MTFR1: variants seen among roughly 807,000 people sequenced by gnomAD.
The protein encoded by MTFR1 is chondrocyte protein with a poly-proline region.
A neutral mutation model predicts 38.8 loss-of-function variants in MTFR1; 28 were observed. That is an observed-to-expected ratio of 0.72 (90% CI 0.53 to 0.99). The LOEUF (loss-of-function observed/expected upper bound fraction) is 0.99, where lower values mean the gene tolerates loss of function less well. Ranked by LOEUF, MTFR1 falls within the 50% of genes least tolerant of loss-of-function variation. The pLI is 0.00. For missense variants in MTFR1, 358 were observed against 395.5 expected, an observed-to-expected ratio of 0.91 and a Z score of 0.81; for synonymous variants, 145 against 137.0, an observed-to-expected ratio of 1.06 and a Z score of -0.41.
intron 3 of MTFR1, among the ~76,000 whole-genome samples, chr8:65,770,729 C>A (rs558318026): frequency 1.3e-5 from 2 of 152,204 alleles, no homozygotes; most frequent in East Asian, 3.9e-4. Context: ...GTGGTGAAAT[C>A]AAAGAGAAAA....
At chr8:65,739,426 A>G (rs941501950) in intron 3 of MTFR1, 71 of 1,433,482 alleles carry the variant, frequency 5.0e-5, no homozygotes, top group South Asian at 1.5e-4. Flanking sequence ...GCTAACCGAT[A>G]TAACTGAGAT....
intron 3 of MTFR1, among the ~76,000 whole-genome samples, chr8:65,758,622 T>C (rs556653884): frequency 5.5e-4 from 84 of 152,364 alleles, no homozygotes; most frequent in African/African-American, 1.7e-3. Context: ...CCCTCTGTTA[T>C]GGACAGTGTT....
At chr8:65,753,653 G>A (rs1327105050) in intron 3 of MTFR1, among the ~76,000 whole-genome samples, 1 of 152,164 alleles carries the variant, frequency 6.6e-6, no homozygotes, top group East Asian at 1.9e-4. Flanking sequence ...CTGGATTATA[G>A]TGTTGCTCAG....
At chr8:65,746,193 G>T (rs997426392) in intron 3 of MTFR1, among the ~76,000 whole-genome samples, 1 of 150,682 alleles carries the variant, frequency 6.6e-6, no homozygotes, top group African/African-American at 2.4e-5. Flanking sequence ...CTTGGCCTCC[G>T]AACGTGCTAG....
At chr8:65,757,550 T>C (rs1433605482) in intron 3 of MTFR1, among the ~76,000 whole-genome samples, 1 of 152,194 alleles carries the variant, frequency 6.6e-6, no homozygotes. Context: ...CTTTCCGGCA[T>C]CTGGAATAAT....
intron 3 of MTFR1, among the ~76,000 whole-genome samples, chr8:65,692,190 A>G (rs988656338): frequency 1.3e-5 from 2 of 152,116 alleles, no homozygotes; most frequent in Non-Finnish European, 2.9e-5. Context: ...CCTCACTCAT[A>G]CTTTTAGTAA....
intron 3 of MTFR1, among the ~76,000 whole-genome samples, chr8:65,743,933 A>T (rs1379550206): frequency 6.6e-6 from 1 of 151,590 alleles, no homozygotes; most frequent in African/African-American, 2.4e-5. Flanking sequence ...CCCAGATTCA[A>T]GCAATTCTCC....
At chr8:65,728,659 A>G (rs948237683) in intron 3 of MTFR1, 2 of 120,686 alleles carry the variant, frequency 1.7e-5, no homozygotes, top group Admixed American at 8.7e-5. Flanking sequence ...CTGCATATAA[A>G]GCAATCTCCC....
intron 2 of MTFR1, among the ~76,000 whole-genome samples, chr8:65,681,052 A>G (rs1804869739): frequency 6.6e-6 from 1 of 151,758 alleles, no homozygotes; most frequent in South Asian, 2.1e-4. Flanking sequence ...AGCTGGGACT[A>G]CAGGCGCCCG....
intron 3 of MTFR1, among the ~76,000 whole-genome samples, chr8:65,758,377 GA>G (rs1563492001): frequency 1.3e-5 from 2 of 152,090 alleles, no homozygotes; most frequent in African/African-American, 2.4e-5. Flanking sequence ...AGGTAAGGGG[GA>G]AAAAATGTTT....
chr8:65,745,352 A>G, intron 3 of MTFR1: 1 of 986,322 alleles, frequency 1.0e-6, no homozygotes, highest in East Asian at 2.4e-5. Context: ...CGGCTGCACC[A>G]TCAATGCAGT....
chr8:65,700,547 T>C (rs1805586723), intron 4 of MTFR1, among the ~76,000 whole-genome samples: 1 of 152,118 alleles, frequency 6.6e-6, no homozygotes, highest in South Asian at 2.1e-4. Context: ...AACAGAAGCA[T>C]TGACATCCTG....
At chr8:65,720,837 T>TA (rs1432243038) in intron 3 of MTFR1, among the ~76,000 whole-genome samples, 1 of 152,234 alleles carries the variant, frequency 6.6e-6, no homozygotes, top group Admixed American at 6.5e-5. Context: ...ACTACAGTGT[T>TA]ATGTTGAGCC....
chr8:65,682,064 A>G (rs1156776838), intron 2 of MTFR1: 1 of 168,124 alleles, frequency 5.9e-6, no homozygotes, highest in Non-Finnish European at 1.3e-5. Flanking sequence ...AAACCTGATG[A>G]AAATAAAATT....
chr8:65,694,405 T>G (rs1414203168), intron 4 of MTFR1, among the ~76,000 whole-genome samples: 7 of 152,090 alleles, frequency 4.6e-5, no homozygotes. Context: ...GAGATGAGTT[T>G]TCACCATGTT....
At chr8:65,713,036 G>GATGGAATGTCTTGGC (rs1302163173), downstream of MTFR1, among the ~76,000 whole-genome samples, 1 of 152,170 alleles carries the variant, frequency 6.6e-6, no homozygotes, top group Non-Finnish European at 1.5e-5. Flanking sequence ...TGTAATACAA[G>GATGGAATGTCTTGGC]ATGGAATGTC....
downstream of MTFR1, among the ~76,000 whole-genome samples, chr8:65,710,988 T>TAGAGAGAGAG (rs68005266): frequency 5.1e-4 from 76 of 148,008 alleles, no homozygotes; most frequent in Admixed American, 4.9e-3. Flanking sequence ...CATATATATA[T>TAGAGAGAGAG]ATAGAGAGAG....
At chr8:65,748,352 T>C (rs1185152594) in intron 3 of MTFR1, among the ~76,000 whole-genome samples, 1 of 152,196 alleles carries the variant, frequency 6.6e-6, no homozygotes, top group Non-Finnish European at 1.5e-5. Flanking sequence ...TTATATCCTG[T>C]AAGTGTTCTA....
At chr8:65,710,897 A>C (rs927659931), downstream of MTFR1, among the ~76,000 whole-genome samples, 1 of 152,134 alleles carries the variant, frequency 6.6e-6, no homozygotes, top group Non-Finnish European at 1.5e-5. Context: ...GACCTTAAGA[A>C]TAGTTATACC....
Sources: allele counts gnomAD v4.1 joint callset (sites outside exome capture counted in the v4.1 genomes callset), GRCh38; gene constraint gnomAD v4.1.1; transcripts MANE v1.5; gene names NCBI Gene and HGNC (gene_info 2026-07-23, HGNC 2026-07-21).